Variants in SSX2IP observed in about 807,000 individuals in gnomAD.
The protein encoded by SSX2IP is afadin- and alpha-actinin-binding protein.
Under a neutral mutation model 84.9 loss-of-function variants are expected in SSX2IP, and 55 were observed. That is an observed-to-expected ratio of 0.65 (90% CI 0.52 to 0.81). The LOEUF is 0.81. Ranked by LOEUF, SSX2IP falls within the 30% of genes least tolerant of loss-of-function variation. The pLI is 0.00. For missense variants in SSX2IP, 664 were observed against 705.2 expected (o/e 0.94, Z 0.66); for synonymous variants, 239 against 234.7 (o/e 1.02, Z -0.17).
intron 12 of SSX2IP, among the ~76,000 whole-genome samples, chr1:84,651,092 GA>G (rs1331287363): frequency 2.0e-5 from 3 of 152,134 alleles, no homozygotes; most frequent in African/African-American, 7.2e-5. Context: ...GAGGCGGAAT[GA>G]CTGCTTAAGC....
At chr1:84,689,564 C>T (rs370583285) in intron 1 of SSX2IP, among the ~76,000 whole-genome samples, 3 of 152,324 alleles carry the variant, frequency 2.0e-5, no homozygotes, top group African/African-American at 7.2e-5. Context: ...CTAGTAATCG[C>T]AGTTTGGCAT....
At chr1:84,690,111 C>T (rs1173691791) in intron 1 of SSX2IP, 1 of 152,260 alleles carries the variant, frequency 6.6e-6, no homozygotes, top group Non-Finnish European at 1.5e-5. Flanking sequence ...GCAGGCGCAG[C>T]TCCGCGAACG....
chr1:84,663,149 C>T (rs4907087), intron 6 of SSX2IP, among the ~76,000 whole-genome samples: 11,618 of 152,076 alleles, frequency 0.076, 489 homozygotes, highest in South Asian at 0.095. Context: ...GAGTCAAAGC[C>T]CCTGATAGTA....
At position 84,650,672 on chromosome 1, in the gene SSX2IP, T is replaced by C. The variant is rs567428751; in HGVS notation, c.1505-145A>G. 67 of 911,702 alleles carry C rather than the reference T, an allele frequency of 7.3e-5. 1 individual carries two copies. In the South Asian group the frequency reaches 1.0e-3, roughly 14 times the overall value. The allele number at this position is 911,702 out of a possible 1,614,324, so 56.5% of individuals were successfully genotyped here. The stretch of plus-strand genomic sequence containing the variant: ...TCAAATTAATTATCATTAATCTTGC[T>C]TATCTTTGTTGCATAGTCCACCCAT... On this transcript the variant is annotated intron_variant, in intron 12 of 13. Coordinates refer to ENST00000342203, the MANE Select transcript of SSX2IP (RefSeq NM_001166293.2).
At chr1:84,651,814 G>A in intron 12 of SSX2IP, 69 bp downstream of exon 12, 2 of 911,836 alleles carry the variant, frequency 2.2e-6, no homozygotes, top group Non-Finnish European at 3.4e-6. Context: ...ATAATATGTA[G>A]TATTTTGTAA....
In SSX2IP at chr1:84,663,989, C is replaced by T. The variant is rs193258696; in HGVS notation, c.673+428G>A. ...AGTCCATCCTTTTGACTAGCTGCTC[C>T]AAAAATGTACAGCTAAACTTATTTA... On this transcript the variant is annotated intron_variant, in intron 6 of 13. Coordinates refer to ENST00000342203, the MANE Select transcript of SSX2IP (RefSeq NM_001166293.2). Among the ~76,000 whole-genome samples the T allele has an allele frequency of 2.6e-5, 4 of 152,204 alleles. No individual in the cohort carries two copies. The East Asian group carries it at 7.7e-4, about 29-fold the overall frequency.
chr1:84,669,256 T>C (rs1372169725), intron 4 of SSX2IP, among the ~76,000 whole-genome samples: 1 of 152,046 alleles, frequency 6.6e-6, no homozygotes, highest in Non-Finnish European at 1.5e-5. Context: ...AGGGAAGTTA[T>C]CTAGTCTGAT....
At chr1:84,677,515 T>A (rs933104442) in intron 1 of SSX2IP, among the ~76,000 whole-genome samples, 1 of 152,182 alleles carries the variant, frequency 6.6e-6, no homozygotes, top group African/African-American at 2.4e-5. Context: ...TTCTGCCTTC[T>A]GGTGGACACG....
intron 13 of SSX2IP, chr1:84,649,672 C>T: frequency 3.9e-6 from 1 of 253,262 alleles, no homozygotes; most frequent in South Asian, 4.5e-5. Flanking sequence ...CCAACTTACC[C>T]CTCTGATCTT....
intron 8 of SSX2IP, among the ~76,000 whole-genome samples, chr1:84,660,119 C>T (rs530963956): frequency 2.0e-5 from 3 of 152,228 alleles, no homozygotes; most frequent in Admixed American, 6.5e-5. Flanking sequence ...TCCAACATTA[C>T]ATCTTATTTC....
At chr1:84,676,719 C>CTTTT (rs61017474) in intron 1 of SSX2IP, among the ~76,000 whole-genome samples, 44,319 of 98,580 alleles carry the variant, frequency 0.45, 12,099 homozygotes, top group East Asian at 0.68. Flanking sequence ...TGCTCTTTTC[C>CTTTT]TTTTTTTTTT....
intron 9 of SSX2IP, 45 bp from the exon 10 acceptor site, chr1:84,656,529 T>A: frequency 6.4e-7 from 1 of 1,573,552 alleles, no homozygotes; most frequent in Non-Finnish European, 8.6e-7. Context: ...TAGCCACCAC[T>A]TAGTTTACAG....
At chr1:84,672,829 A>G (rs1653778089) in intron 1 of SSX2IP, among the ~76,000 whole-genome samples, 2 of 152,184 alleles carry the variant, frequency 1.3e-5, no homozygotes, top group South Asian at 4.1e-4. Flanking sequence ...GTTTGAGACC[A>G]GTCTGGCCAA....
At chr1:84,677,924 C>G (rs1021654703) in intron 1 of SSX2IP, among the ~76,000 whole-genome samples, 2 of 152,186 alleles carry the variant, frequency 1.3e-5, no homozygotes, top group Admixed American at 1.3e-4. Context: ...TGCTCAGATT[C>G]CTGACTCATC....
At chr1:84,670,581 A>G (rs964547716) in intron 3 of SSX2IP, 65 bp downstream of exon 3, 36 of 1,180,874 alleles carry the variant, frequency 3.0e-5, no homozygotes, top group Non-Finnish European at 3.9e-5. Context: ...TGTTTTTCTC[A>G]TAATTTTGAT....
At chr1:84,682,908 T>C (rs1028916191) in intron 1 of SSX2IP, among the ~76,000 whole-genome samples, 1 of 152,204 alleles carries the variant, frequency 6.6e-6, no homozygotes, top group African/African-American at 2.4e-5. Flanking sequence ...TTATTAAGCA[T>C]GTAGCAATTA....
At position 84,666,251 on chromosome 1, in the gene SSX2IP, AT is replaced by A. The variant is rs1652761424; in HGVS notation, c.427-20del. The A allele has an allele frequency of 5.0e-6, 8 of 1,584,402 alleles. No homozygotes were observed. Among genetic ancestry groups the A allele is most frequent in the Non-Finnish European group, 6.0e-6 (7 of 1,159,290 alleles). Reference sequence around the variant, plus strand: ...GTTGTTCCTAAAACATTTATAAGCAATTTTGCTTAAAATTAATAAAGGATTT... The same window carrying A: ...GTTGTTCCTAAAACATTTATAAGCAATTTGCTTAAAATTAATAAAGGATTT... On this transcript the variant is annotated intron_variant, in intron 4 of 13. Coordinates refer to ENST00000342203, the MANE Select transcript of SSX2IP (RefSeq NM_001166293.2).
Position 84,656,109 on chromosome 1 carries a change from G to T in SSX2IP, c.1216-104C>A, listed in dbSNP as rs1324547444. On this transcript the variant is annotated intron_variant, in intron 10 of 13. Coordinates refer to ENST00000342203, the MANE Select transcript of SSX2IP (RefSeq NM_001166293.2). ...CCAGTCAAACTTCAGGGCAGGAATAGAAATTATTAAGAATCAAAAAGTCAA... is the reference window on the plus strand; with the variant it reads ...CCAGTCAAACTTCAGGGCAGGAATATAAATTATTAAGAATCAAAAAGTCAA... 49 of 1,124,674 alleles carry T rather than the reference G, an allele frequency of 4.4e-5. No individual in the cohort carries two copies. The Admixed American group carries it at 1.1e-3, about 25-fold the overall frequency. 69.7% of individuals were successfully genotyped at this position (1,124,674 alleles called of 1,614,324 possible). A position where few individuals can be genotyped will look rare whatever the true frequency, so the allele number is the denominator to read the frequency against.
At chr1:84,671,497 T>G (rs952125809) in intron 1 of SSX2IP, among the ~76,000 whole-genome samples, 189 bp from the exon 2 acceptor site, 1 of 152,246 alleles carries the variant, frequency 6.6e-6, no homozygotes, top group Non-Finnish European at 1.5e-5. Flanking sequence ...AGGATCAAGG[T>G]TAAAGGCTTC....
Sources: allele counts gnomAD v4.1 joint callset (sites outside exome capture counted in the v4.1 genomes callset), GRCh38; gene constraint gnomAD v4.1.1; transcripts MANE v1.5; gene names NCBI Gene and HGNC (gene_info 2026-07-23, HGNC 2026-07-21).